The following CDYL variants were observed in gnomAD, a reference collection of about 807,000 sequenced individuals.
The protein encoded by CDYL is chromodomain Y like, also known as chromodomain Y-like protein.
Under a neutral mutation model 47.3 loss-of-function variants are expected in CDYL, and 8 were observed. The ratio of observed to expected loss-of-function variants is 0.17; its 90% confidence interval spans 0.10 to 0.31. The LOEUF (loss-of-function observed/expected upper bound fraction) is 0.31. CDYL is among the 10% of genes least tolerant of loss of function. The pLI is 1.00. For synonymous variants in CDYL, 266 were observed against 265.0 expected (o/e 1.00, Z -0.04); for missense variants, 471 against 701.4 (o/e 0.67, Z 3.71).
At chr6:4,894,234 G>A (rs377693817) in intron 2 of CDYL, among the ~76,000 whole-genome samples, 21 of 152,170 alleles carry the variant, frequency 1.4e-4, no homozygotes, top group African/African-American at 4.3e-4. Context: ...ACCAGAGCGC[G>A]TGCCTTAGTG....
intron 3 of CDYL, among the ~76,000 whole-genome samples, chr6:4,764,077 CA>C (rs749131835): frequency 1.7e-4 from 26 of 152,174 alleles, no homozygotes; most frequent in Admixed American, 7.2e-4. Flanking sequence ...TACGTAGAAT[CA>C]AAATTACACA....
At chr6:4,915,493 TGGG>T (rs1757531673) in intron 2 of CDYL, among the ~76,000 whole-genome samples, 1 of 152,126 alleles carries the variant, frequency 6.6e-6, no homozygotes, top group African/African-American at 2.4e-5. Flanking sequence ...ATGTGGGGGA[TGGG>T]GGCAGACACA....
intron 2 of CDYL, among the ~76,000 whole-genome samples, chr6:4,894,015 A>G (rs899392029): frequency 1.3e-5 from 2 of 152,186 alleles, no homozygotes; most frequent in Non-Finnish European, 1.5e-5. Flanking sequence ...TTCCGGCTTC[A>G]TTGGAGCTTG....
At chr6:4,807,902 G>A (rs907863417) in intron 1 of CDYL, among the ~76,000 whole-genome samples, 3 of 151,854 alleles carry the variant, frequency 2.0e-5, no homozygotes. Context: ...CCACCGCGCC[G>A]GGCTCATTTA....
rs1357242923 is a variant in CDYL, at chr6:4,952,093, A to G, written c.1333-173A>G. Among the ~76,000 whole-genome samples, 5 of 152,270 alleles carry G rather than the reference A, an allele frequency of 3.3e-5. No individual in the cohort carries two copies. The South Asian group carries it at 6.2e-4, about 19-fold the overall frequency. The stretch of plus-strand genomic sequence containing the variant: ...GATAGATTACTTTCCCACCTGCCCA[A>G]TGGACTGCACCTTGCACAGGGTCTG... On this transcript the variant is annotated intron_variant, in intron 5 of 6. Coordinates refer to ENST00000397588, the MANE Select transcript of CDYL (RefSeq NM_004824.4).
intron 1 of CDYL, among the ~76,000 whole-genome samples, chr6:4,888,649 C>T (rs1322069856): frequency 1.3e-5 from 2 of 151,908 alleles, no homozygotes; most frequent in African/African-American, 4.8e-5. Context: ...TTTCTTTTCT[C>T]CTGCTTGCCT....
At chr6:4,735,210 C>T (rs553562633) in intron 3 of CDYL, among the ~76,000 whole-genome samples, 35 of 151,680 alleles carry the variant, frequency 2.3e-4, no homozygotes, top group African/African-American at 7.0e-4. Context: ...CGCTTGAACC[C>T]GGGAGATGGA....
At chr6:4,895,613 A>G (rs7768749) in intron 2 of CDYL, among the ~76,000 whole-genome samples, 126,309 of 151,666 alleles carry the variant, frequency 0.83, 56,501 homozygotes, top group Non-Finnish European at 0.99. Context: ...ACTTCGAGCC[A>G]ACAAGGTTAA....
chr6:4,887,314 T>G (rs1761924667), intron 1 of CDYL, among the ~76,000 whole-genome samples: 1 of 152,178 alleles, frequency 6.6e-6, no homozygotes, highest in African/African-American at 2.4e-5. Context: ...CAGTATTAAG[T>G]CCCCAAATCC....
chr6:4,891,561 A>G lies in CDYL; in HGVS notation c.25-152A>G, dbSNP rs796127270. ...CTTTCAGGGAAATTGTCCACAACCC[A>G]AATGGCCTATTACTATTTTATTGAG... On this transcript the variant is annotated intron_variant, in intron 1 of 6. Coordinates refer to ENST00000397588, the MANE Select transcript of CDYL (RefSeq NM_004824.4). 1.7e-5 allele frequency: 11 copies of G among 641,398 alleles called. No homozygotes were observed. In the African/African-American group the frequency reaches 2.0e-4, roughly 12 times the overall value. 39.7% of individuals were successfully genotyped at this position (641,398 alleles called of 1,614,324 possible). A position where few individuals can be genotyped will look rare whatever the true frequency, so the allele number is the denominator to read the frequency against.
At chr6:4,723,698 C>T (rs1413975653) in intron 2 of CDYL, among the ~76,000 whole-genome samples, 1 of 152,122 alleles carries the variant, frequency 6.6e-6, no homozygotes, top group East Asian at 1.9e-4. Flanking sequence ...CCTCGCCTGT[C>T]AGCACCCCAA....
At chr6:4,739,075 C>T (rs1045382676) in intron 3 of CDYL, among the ~76,000 whole-genome samples, 5 of 151,960 alleles carry the variant, frequency 3.3e-5, no homozygotes, top group Non-Finnish European at 5.9e-5. Flanking sequence ...GCTGGAGAAT[C>T]GCTTCAACCT....
At chr6:4,738,135 G>A (rs1312095273) in intron 3 of CDYL, among the ~76,000 whole-genome samples, 21 of 152,150 alleles carry the variant, frequency 1.4e-4, no homozygotes, top group Admixed American at 1.4e-3. Context: ...CAGCACTTTG[G>A]GAGGCCAAGG....
chr6:4,941,431 A>G (rs1443973561), intron 4 of CDYL, among the ~76,000 whole-genome samples: 5 of 152,192 alleles, frequency 3.3e-5, no homozygotes, highest in African/African-American at 1.2e-4. Flanking sequence ...CTCTGTGTGC[A>G]CCACATCCAT....
In CDYL at chr6:4,762,792, A is replaced by G. The variant is rs533595369; in HGVS notation, c.186+27948A>G. On this transcript the variant is annotated intron_variant, in intron 3 of 8. Transcript: ENST00000328908. ...TAGAAAAATCAGAAATGATAATACA[A>G]CGCATAGGACTGTAGTGAAAAGCTG... 5.9e-5 allele frequency among the ~76,000 whole-genome samples: 9 copies of G among 152,262 alleles called. No individual in the cohort carries two copies. The East Asian group carries it at 1.5e-3, about 26-fold the overall frequency.
intron 1 of CDYL, among the ~76,000 whole-genome samples, chr6:4,800,692 T>C (rs1419191303): frequency 6.6e-6 from 1 of 152,216 alleles, no homozygotes; most frequent in Non-Finnish European, 1.5e-5. Flanking sequence ...TTCTGAATAC[T>C]AGAATTCTTG....
upstream of CDYL, among the ~76,000 whole-genome samples, chr6:4,772,620 A>G (rs761543438): frequency 7.9e-5 from 12 of 152,208 alleles, no homozygotes; most frequent in Non-Finnish European, 1.0e-4. Flanking sequence ...TGGAAATTCC[A>G]CCAAGTTTTC....
At chr6:4,888,794 A>T (rs1241699050) in intron 1 of CDYL, among the ~76,000 whole-genome samples, 1 of 152,042 alleles carries the variant, frequency 6.6e-6, no homozygotes, top group African/African-American at 2.4e-5. Context: ...GTATTCCATA[A>T]GTTTTGGTAT....
intron 1 of CDYL, among the ~76,000 whole-genome samples, chr6:4,882,125 T>C (rs752646497): frequency 6.6e-5 from 10 of 152,182 alleles, no homozygotes; most frequent in South Asian, 2.1e-4. Context: ...GTACCCTGGG[T>C]ACTGCGCTTG....
Sources: allele counts gnomAD v4.1 joint callset (sites outside exome capture counted in the v4.1 genomes callset), GRCh38; gene constraint gnomAD v4.1.1; transcripts MANE v1.5; gene names NCBI Gene and HGNC (gene_info 2026-07-23, HGNC 2026-07-21).